Variants in DYM observed in about 807,000 individuals in gnomAD.
The protein encoded by DYM is dymeclin, also known as dyggve-Melchior-Clausen syndrome protein.
In DYM, 78 loss-of-function variants were observed where a neutral mutation model predicts 93.1. The ratio of observed to expected loss-of-function variants is 0.84; its 90% CI spans 0.70 to 1.01. DYM has a LOEUF of 1.01. DYM is among the 50% of genes least tolerant of loss of function. DYM has a pLI of 0.00. For missense variants in DYM, 789 were observed against 845.0 expected (o/e 0.93, Z 0.82); for synonymous variants, 321 against 319.7 (o/e 1.00, Z -0.04).
intron 6 of DYM, among the ~76,000 whole-genome samples, chr18:49,358,393 T>C (rs1468018620): frequency 6.6e-6 from 1 of 152,132 alleles, no homozygotes; most frequent in Non-Finnish European, 1.5e-5. Flanking sequence ...TGGACTGGCA[T>C]GCTCCACATT....
Position 49,134,975 on chromosome 18 carries a change from G to A in DYM, c.1729-16049C>T, listed in dbSNP as rs139708718. Among the ~76,000 whole-genome samples, 58 of 152,190 alleles carry A rather than the reference G, an allele frequency of 3.8e-4. No individual in the cohort carries two copies. In the East Asian group the frequency reaches 0.011, roughly 29 times the overall value. On this transcript the variant is annotated intron_variant, in intron 15 of 17. Coordinates refer to ENST00000675505, the MANE Select transcript of DYM (RefSeq NM_001353214.3). The stretch of plus-strand genomic sequence containing the variant: ...TACAACAAATTAGCTGGGCGTGGTG[G>A]CAGACACCTGTAATCCCAGCTACTC...
chr18:49,146,327 G>A (rs893889748), intron 15 of DYM, among the ~76,000 whole-genome samples: 5 of 152,182 alleles, frequency 3.3e-5, no homozygotes, highest in African/African-American at 9.7e-5. Flanking sequence ...TCAACACAGT[G>A]TTGGAAGTTC....
chr18:49,392,803 C>G (rs548895672), intron 2 of DYM, among the ~76,000 whole-genome samples: 2 of 150,374 alleles, frequency 1.3e-5, no homozygotes, highest in South Asian at 4.2e-4. Context: ...CAAGACCAGC[C>G]TGGCCAATAT....
chr18:49,079,977 G>T (rs377363884), intron 17 of DYM, among the ~76,000 whole-genome samples: 44,495 of 145,558 alleles, frequency 0.31, 6,811 homozygotes, highest in Middle Eastern at 0.41. Context: ...CCCAGTAGGG[G>T]CGGCCGGGCA....
chr18:49,067,435 A>G (rs2076539913), intron 17 of DYM, among the ~76,000 whole-genome samples: 1 of 149,154 alleles, frequency 6.7e-6, no homozygotes, highest in Non-Finnish European at 1.5e-5. Context: ...TAGAGGAAGG[A>G]GTAGGGTGAT....
intron 1 of DYM, among the ~76,000 whole-genome samples, chr18:49,434,520 C>CA (rs2080643575): frequency 1.3e-5 from 2 of 151,510 alleles, no homozygotes; most frequent in South Asian, 2.1e-4. Context: ...AACTCCATCT[C>CA]AAAAAAACAA....
chr18:49,164,103 T>C (rs2087559557), intron 14 of DYM, among the ~76,000 whole-genome samples: 1 of 152,184 alleles, frequency 6.6e-6, no homozygotes, highest in Non-Finnish European at 1.5e-5. Flanking sequence ...ATGTAGACTA[T>C]GACTAACTCA....
intron 14 of DYM, chr18:49,208,881 A>G (rs1223049409): frequency 2.0e-5 from 3 of 152,008 alleles, no homozygotes; most frequent in Admixed American, 6.6e-5. Flanking sequence ...CTGCCCCTCT[A>G]TTTTGGTGCA....
intron 6 of DYM, among the ~76,000 whole-genome samples, chr18:49,353,838 A>T (rs1272186130): frequency 6.6e-6 from 1 of 152,076 alleles, no homozygotes; most frequent in Non-Finnish European, 1.5e-5. Flanking sequence ...TATTGTCAAG[A>T]TTCCTCTTAA....
intron 17 of DYM, among the ~76,000 whole-genome samples, chr18:49,072,812 G>A (rs1169406886): frequency 6.6e-6 from 1 of 152,226 alleles, no homozygotes; most frequent in Non-Finnish European, 1.5e-5. Context: ...AGCCCTTGCT[G>A]AAGCACAACT....
intron 3 of DYM, among the ~76,000 whole-genome samples, chr18:49,382,136 T>C (rs2068097791): frequency 6.6e-6 from 1 of 152,202 alleles, no homozygotes; most frequent in Non-Finnish European, 1.5e-5. Context: ...GATTAGCTAT[T>C]TAAAAAAACA....
chr18:49,188,713 T>C (rs145906941), intron 14 of DYM, among the ~76,000 whole-genome samples: 66 of 152,154 alleles, frequency 4.3e-4, no homozygotes, highest in African/African-American at 1.5e-3. Flanking sequence ...GGGGGAGGGA[T>C]AGCATTTGGA....
At chr18:49,121,599 A>T (rs1436223885) in intron 15 of DYM, among the ~76,000 whole-genome samples, 1 of 152,176 alleles carries the variant, frequency 6.6e-6, no homozygotes, top group Non-Finnish European at 1.5e-5. Context: ...AAAAGAACCC[A>T]TGTACTTAGA....
chr18:49,232,493 T>C (rs997245234), intron 13 of DYM, among the ~76,000 whole-genome samples: 1 of 151,034 alleles, frequency 6.6e-6, no homozygotes, highest in African/African-American at 2.4e-5. Context: ...TTAGTAGAGA[T>C]GGGGTTTCAC....
At chr18:49,325,268 T>A (rs530550) in intron 8 of DYM, among the ~76,000 whole-genome samples, 9 of 151,962 alleles carry the variant, frequency 5.9e-5, no homozygotes, top group Non-Finnish European at 1.0e-4. Flanking sequence ...AAACCCAGGC[T>A]ACTGACCTCA....
At chr18:49,100,540 T>C (rs925522816) in intron 16 of DYM, among the ~76,000 whole-genome samples, 4 of 152,178 alleles carry the variant, frequency 2.6e-5, no homozygotes, top group African/African-American at 7.2e-5. Context: ...CTAAATTCCT[T>C]TTTCAAACTG....
chr18:49,253,503 G>C (rs1377624712), intron 13 of DYM, among the ~76,000 whole-genome samples: 1 of 152,128 alleles, frequency 6.6e-6, no homozygotes, highest in East Asian at 1.9e-4. Flanking sequence ...ACTCAAAAGT[G>C]TTTTCTAAAC....
intron 17 of DYM, among the ~76,000 whole-genome samples, chr18:49,080,412 G>C (rs575826837): frequency 2.2e-5 from 3 of 136,396 alleles, no homozygotes; most frequent in Non-Finnish European, 4.8e-5. Flanking sequence ...CCTCCCGGAC[G>C]GGGTGGCTGG....
intron 15 of DYM, among the ~76,000 whole-genome samples, chr18:49,159,831 T>G (rs1656364335): frequency 6.6e-6 from 1 of 152,198 alleles, no homozygotes; most frequent in South Asian, 2.1e-4. Context: ...AAAGTTAAAT[T>G]GTTAGGAACT....
Sources: gnomAD v4.1 joint callset for allele counts (sites outside exome capture counted in the v4.1 genomes callset) on GRCh38, gnomAD v4.1.1 for gene constraint, MANE v1.5 for transcripts, NCBI Gene and HGNC (gene_info 2026-07-23, HGNC 2026-07-21) for gene names.